The following RIMKLB variants were observed in gnomAD, a reference collection of about 807,000 sequenced individuals.
RIMKLB encodes ribosomal modification protein rimK like family member B.
Under a neutral mutation model 32.0 loss-of-function variants are expected in RIMKLB, and 7 were observed. The ratio of observed to expected loss-of-function variants is 0.22; its 90% CI spans 0.12 to 0.41. The LOEUF is 0.41. RIMKLB is among the 10% of genes least tolerant of loss of function. The probability of loss-of-function intolerance (pLI) is 1.00; values close to 1 mark genes in which losing one functional copy is unlikely to be tolerated. For missense variants in RIMKLB, 289 were observed against 498.7 expected (o/e 0.58, Z 4.00); for synonymous variants, 172 against 185.1 (o/e 0.93, Z 0.57).
chr12:8,678,265 G>A (rs970581766), upstream of RIMKLB, among the ~76,000 whole-genome samples: 3 of 150,210 alleles, frequency 2.0e-5, no homozygotes, highest in African/African-American at 4.9e-5. Context: ...ATCCTCGCAC[G>A]TTGGCCTCCC....
Position 8,713,862 on chromosome 12 carries a change from T to C in RIMKLB, c.-5T>C. 1 of 1,614,038 alleles carries C rather than the reference T, an allele frequency of 6.2e-7. No homozygotes were observed. The highest frequency in any genetic ancestry group is 8.5e-7 in the Non-Finnish European group (1 of 1,179,936). On this transcript the variant is annotated 5_prime_UTR_variant, in exon 2 of 6. Coordinates refer to ENST00000535829, the MANE Select transcript of RIMKLB (RefSeq NM_001297776.2). Reference sequence around the variant, plus strand: ...ATCCAGGCAAGGAAGCACAAGCTGATCAAGATGTGTAGTTCTGTGGCTGCC... The same window carrying C: ...ATCCAGGCAAGGAAGCACAAGCTGACCAAGATGTGTAGTTCTGTGGCTGCC...
At position 8,776,267 on chromosome 12, in the gene RIMKLB, A is replaced by G; in HGVS notation, c.*2483A>G. 1 of 978,068 alleles carries G rather than the reference A, an allele frequency of 1.0e-6. No homozygotes were observed. The highest frequency in any genetic ancestry group is 1.2e-6 in the Non-Finnish European group (1 of 823,236). The allele number at this position is 978,068 out of a possible 1,614,324, so 60.6% of individuals were successfully genotyped here. A position where few individuals can be genotyped will look rare whatever the true frequency, so the allele number is the denominator to read the frequency against. On this transcript the variant is annotated 3_prime_UTR_variant, in exon 6 of 6. Coordinates refer to ENST00000535829, the MANE Select transcript of RIMKLB (RefSeq NM_001297776.2). ...ATGCATTCACATGATATTAAAACGT[A>G]CACTCACATGTTAGAATGAAAAGAG...
At chr12:8,733,477 C>T (rs1447229190) in intron 2 of RIMKLB, among the ~76,000 whole-genome samples, 1 of 152,012 alleles carries the variant, frequency 6.6e-6, no homozygotes, top group Non-Finnish European at 1.5e-5. Context: ...ATTAAGTAAC[C>T]TGAATATAAG....
intron 2 of RIMKLB, among the ~76,000 whole-genome samples, chr12:8,726,836 TATC>T (rs1461094851): frequency 1.3e-5 from 2 of 152,338 alleles, no homozygotes; most frequent in East Asian, 3.9e-4. Flanking sequence ...TAAATTAACA[TATC>T]ATGTTTGTTA....
chr12:8,719,664 C>T (rs1317059731), intron 2 of RIMKLB, among the ~76,000 whole-genome samples: 1 of 152,122 alleles, frequency 6.6e-6, no homozygotes, highest in Non-Finnish European at 1.5e-5. Flanking sequence ...TCACAGTGCC[C>T]AGCCTAAGCT....
chr12:8,737,934 G>A (rs1591815314), intron 2 of RIMKLB, among the ~76,000 whole-genome samples: 4 of 152,178 alleles, frequency 2.6e-5, no homozygotes, highest in African/African-American at 2.4e-5. Flanking sequence ...GACTGGTCTC[G>A]AACTCATGAC....
At chr12:8,753,546 A>G (rs1176527712) in intron 4 of RIMKLB, among the ~76,000 whole-genome samples, 2 of 152,220 alleles carry the variant, frequency 1.3e-5, no homozygotes, top group Non-Finnish European at 2.9e-5. Flanking sequence ...ATAATATATC[A>G]CACATGTTTT....
intron 2 of RIMKLB, among the ~76,000 whole-genome samples, chr12:8,726,074 T>C (rs1375908059): frequency 6.6e-6 from 1 of 152,246 alleles, no homozygotes; most frequent in Non-Finnish European, 1.5e-5. Context: ...TCTTGAACTT[T>C]TGGCCTCAAG....
intron 2 of RIMKLB, among the ~76,000 whole-genome samples, chr12:8,736,597 C>T (rs1389958261): frequency 6.8e-6 from 1 of 148,130 alleles, no homozygotes; most frequent in Non-Finnish European, 1.5e-5. Flanking sequence ...CTCACTGCAA[C>T]GTTGACCTCC....
At chr12:8,713,021 C>T (rs1040545987) in intron 1 of RIMKLB, among the ~76,000 whole-genome samples, 4 of 152,098 alleles carry the variant, frequency 2.6e-5, no homozygotes, top group Non-Finnish European at 5.9e-5. Flanking sequence ...ATGATACAAA[C>T]TCAGAGAAGC....
At chr12:8,739,891 G>A (rs1393033904) in intron 2 of RIMKLB, among the ~76,000 whole-genome samples, 1 of 152,102 alleles carries the variant, frequency 6.6e-6, no homozygotes, top group Non-Finnish European at 1.5e-5. Flanking sequence ...ACATTGAAAT[G>A]ATGACTGATG....
chr12:8,726,714 A>G (rs1332646224), intron 2 of RIMKLB, among the ~76,000 whole-genome samples: 2 of 150,932 alleles, frequency 1.3e-5, no homozygotes, highest in Non-Finnish European at 3.0e-5. Context: ...ATTTACAGTA[A>G]ATTTTCTTAT....
At chr12:8,697,800 G>C (rs1942966545), upstream of RIMKLB, 1 of 149,950 alleles carries the variant, frequency 6.7e-6, no homozygotes, top group Non-Finnish European at 1.5e-5. Context: ...GCTCGGCAGT[G>C]CTCGGCGCGC....
intron 1 of RIMKLB, among the ~76,000 whole-genome samples, chr12:8,708,490 A>G (rs545738191): frequency 6.2e-4 from 95 of 152,262 alleles, no homozygotes; most frequent in Admixed American, 1.1e-3. Flanking sequence ...AATATTTGTA[A>G]TGTATTTTGA....
intron 1 of RIMKLB, among the ~76,000 whole-genome samples, chr12:8,713,023 C>CA: frequency 6.6e-6 from 1 of 152,192 alleles, no homozygotes; most frequent in South Asian, 2.1e-4. Context: ...GATACAAACT[C>CA]AGAGAAGCAA....
chr12:8,694,475 A>T (rs1942829921), upstream of RIMKLB, among the ~76,000 whole-genome samples: 1 of 135,500 alleles, frequency 7.4e-6, no homozygotes, highest in African/African-American at 2.8e-5. Flanking sequence ...GGCTTGCTGC[A>T]ACCTCCACCC....
At chr12:8,721,901 G>A (rs1945479224) in intron 2 of RIMKLB, among the ~76,000 whole-genome samples, 1 of 152,156 alleles carries the variant, frequency 6.6e-6, no homozygotes, top group East Asian at 1.9e-4. Flanking sequence ...GTGCCACTAT[G>A]CCTGGCTAAT....
chr12:8,713,639 A>G (rs1944558832), intron 1 of RIMKLB, 172 bp from the exon 2 acceptor site: 3 of 496,890 alleles, frequency 6.0e-6, no homozygotes, highest in South Asian at 4.4e-5. Flanking sequence ...GTCAGTTTCC[A>G]TATTACTAGT....
At chr12:8,713,321 C>T (rs773331267) in intron 1 of RIMKLB, among the ~76,000 whole-genome samples, 10 of 151,728 alleles carry the variant, frequency 6.6e-5, no homozygotes, top group African/African-American at 2.4e-4. Context: ...TTCTACATAC[C>T]TATAACAAAA....
Sources: gnomAD v4.1 joint callset for allele counts (sites outside exome capture counted in the v4.1 genomes callset) on GRCh38, gnomAD v4.1.1 for gene constraint, MANE v1.5 for transcripts, NCBI Gene and HGNC (gene_info 2026-07-23, HGNC 2026-07-21) for gene names.